Variants in WDR27 observed in about 807,000 individuals in gnomAD.
WDR27 encodes the protein WD repeat domain 27.
A neutral mutation model predicts 114.4 loss-of-function variants in WDR27; 100 were observed. That is an observed-to-expected ratio of 0.87 (90% CI 0.74 to 1.03). The LOEUF (loss-of-function observed/expected upper bound fraction) is 1.03, where lower values mean the gene tolerates loss of function less well. Among genes scored for constraint, WDR27 ranks in the 50% least tolerant of loss-of-function variants. WDR27 has a pLI of 0.00. For missense variants in WDR27, 1,129 were observed against 1,092.9 expected (o/e 1.03, Z -0.47); for synonymous variants, 449 against 423.1 (o/e 1.06, Z -0.75).
chr6:169,495,760 A>G (rs1790321445), intron 25 of WDR27, among the ~76,000 whole-genome samples: 1 of 152,046 alleles, frequency 6.6e-6, no homozygotes, highest in Non-Finnish European at 1.5e-5. Context: ...ATCAGTAGTA[A>G]GAATAATGAA....
downstream of WDR27, among the ~76,000 whole-genome samples, chr6:169,453,780 G>A (rs1210280115): frequency 6.6e-6 from 1 of 152,180 alleles, no homozygotes; most frequent in Non-Finnish European, 1.5e-5. Context: ...ATACAGATTA[G>A]TAAGAATTTG....
Position 169,586,260 on chromosome 6 carries a change from T to C in WDR27, c.2425-3326A>G, listed in dbSNP as rs181794391. On this transcript the variant is annotated intron_variant, in intron 23 of 25. Coordinates refer to ENST00000448612, the MANE Select transcript of WDR27 (RefSeq NM_182552.5). ...CCCTGTCATAAATCCCGTGAGGTCATGCACAACTCTGGACAGTTCTCTCCA... is the reference window on the plus strand; with the variant it reads ...CCCTGTCATAAATCCCGTGAGGTCACGCACAACTCTGGACAGTTCTCTCCA... Among the ~76,000 whole-genome samples the C allele has an allele frequency of 6.6e-5, 10 of 152,328 alleles. No homozygotes were observed. In the East Asian group the frequency reaches 1.9e-3, roughly 29 times the overall value.
chr6:169,441,835 T>C, the WDR27 span, among the ~76,000 whole-genome samples: 1 of 152,258 alleles, frequency 6.6e-6, no homozygotes, highest in African/African-American at 2.4e-5. Flanking sequence ...CTGAAGTCTG[T>C]TCTCTAAAAT....
intron 25 of WDR27, among the ~76,000 whole-genome samples, chr6:169,507,989 C>G (rs905067842): frequency 6.6e-6 from 1 of 152,180 alleles, no homozygotes; most frequent in African/African-American, 2.4e-5. Context: ...TCATAGTATA[C>G]CCATCATGTC....
At chr6:169,649,318 G>T in intron 14 of WDR27, 43 bp from the exon 15 acceptor site, 1 of 1,467,762 alleles carries the variant, frequency 6.8e-7, no homozygotes, top group Non-Finnish European at 9.3e-7. Flanking sequence ...ATATTAAGAG[G>T]TCTAAGTTTC....
At chr6:169,619,250 C>T (rs1452798619) in intron 21 of WDR27, among the ~76,000 whole-genome samples, 1 of 152,192 alleles carries the variant, frequency 6.6e-6, no homozygotes, top group African/African-American at 2.4e-5. Context: ...GGAAATTAGA[C>T]GGTCACCATG....
At chr6:169,431,927 G>T in the WDR27 span, among the ~76,000 whole-genome samples, 1 of 152,152 alleles carries the variant, frequency 6.6e-6, no homozygotes, top group Non-Finnish European at 1.5e-5. Context: ...CCCAAAGATT[G>T]CCTCACTGCA....
At chr6:169,700,861 G>A (rs1392350485) in intron 1 of WDR27, among the ~76,000 whole-genome samples, 3 of 152,122 alleles carry the variant, frequency 2.0e-5, no homozygotes, top group African/African-American at 7.2e-5. Flanking sequence ...CAACCCTAGG[G>A]GATAATCAAT....
chr6:169,525,236 C>T (rs185060912), intron 25 of WDR27, among the ~76,000 whole-genome samples: 4 of 152,154 alleles, frequency 2.6e-5, no homozygotes, highest in East Asian at 1.9e-4. Flanking sequence ...CATTTCACCC[C>T]GGTTAAAATG....
At chr6:169,672,073 T>C (rs1029142807) in intron 3 of WDR27, 182 bp downstream of exon 3, 2 of 540,916 alleles carry the variant, frequency 3.7e-6, no homozygotes, top group Non-Finnish European at 6.3e-6. Flanking sequence ...CTGGGGCCCT[T>C]CCCATATAAA....
intron 21 of WDR27, among the ~76,000 whole-genome samples, chr6:169,618,227 T>C (rs1051707464): frequency 7.9e-5 from 12 of 152,318 alleles, no homozygotes; most frequent in African/African-American, 2.6e-4. Context: ...AATTATTTCA[T>C]TAAAAAAGCT....
intron 13 of WDR27, among the ~76,000 whole-genome samples, chr6:169,654,710 G>A (rs564974888): frequency 6.7e-5 from 10 of 150,308 alleles, no homozygotes; most frequent in African/African-American, 2.5e-4. Flanking sequence ...GAGGAGGCGC[G>A]CACAGGAGAA....
At chr6:169,695,105 T>C (rs186717889) in intron 1 of WDR27, among the ~76,000 whole-genome samples, 2 of 152,262 alleles carry the variant, frequency 1.3e-5, no homozygotes, top group Admixed American at 1.3e-4. Context: ...AGTATAAAAA[T>C]ATCAAGAAGG....
chr6:169,464,181 C>T (rs938114600), intron 25 of WDR27, among the ~76,000 whole-genome samples: 9 of 152,122 alleles, frequency 5.9e-5, no homozygotes, highest in African/African-American at 2.2e-4. Flanking sequence ...GCATAAAGAT[C>T]GACCTATAGA....
rs563769365 is a variant in WDR27 at position 169,523,546 on chromosome 6, C to T, written c.2645+48873G>A. 6.6e-5 allele frequency among the ~76,000 whole-genome samples: 10 copies of T among 152,172 alleles called. No homozygotes were observed. In the East Asian group the frequency reaches 1.9e-3, roughly 29 times the overall value. ...ATAGATGTGAAAATCCTCAGCAACACACTAGCAAACCAAATTCAACAACCC... is the reference window on the plus strand; with the variant it reads ...ATAGATGTGAAAATCCTCAGCAACATACTAGCAAACCAAATTCAACAACCC... On this transcript the variant is annotated intron_variant, in intron 25 of 25. Coordinates refer to ENST00000448612, the MANE Select transcript of WDR27 (RefSeq NM_182552.5).
At position 169,638,649 on chromosome 6, in the gene WDR27, C is replaced by T. The variant is rs983245347; in HGVS notation, c.1759G>A (p.Ala587Thr). The change falls in exon 18 of 26, where the codon GCA becomes ACA. Residue 587 changes from alanine (A) to threonine (T), a missense_variant. Transcript: ENST00000448612. ...TGGCTCCAGCACACGGCATTCACTG[C>T]CCCGTCGTGACCTAACAGGAATGAC... ...TPAVFSGHDG[A>T]VNAVCWSQDR... 14 of 1,603,520 alleles carry T rather than the reference C, an allele frequency of 8.7e-6. No homozygotes were observed. In the South Asian group the frequency reaches 1.3e-4, roughly 15 times the overall value.
In WDR27 at chr6:169,596,028, T is replaced by C. The variant is rs573965971; in HGVS notation, c.2424+6191A>G. Among the ~76,000 whole-genome samples the C allele has an allele frequency of 1.5e-3, 223 of 152,250 alleles. 1 individual carries two copies. Among genetic ancestry groups the C allele is most frequent in the African/African-American group, 5.1e-3 (211 of 41,584 alleles). ...CTTATAAGCATTTGAACATTTTACA[T>C]GGATCCACAAAGGTGTTTTTTTGTT... On this transcript the variant is annotated intron_variant, in intron 23 of 25. Coordinates refer to ENST00000448612, the MANE Select transcript of WDR27 (RefSeq NM_182552.5).
intron 3 of WDR27, chr6:169,671,185 A>G (rs1778648971): frequency 6.4e-6 from 1 of 155,588 alleles, no homozygotes. Flanking sequence ...CCTGATGCAG[A>G]GCCCGTCATG....
Position 169,535,191 on chromosome 6 carries a change from T to C in WDR27, c.2645+37228A>G, listed in dbSNP as rs578145503. On this transcript the variant is annotated intron_variant, in intron 25 of 25. Transcript: ENST00000448612. Reference sequence around the variant, plus strand: ...AATCAGGTGGTCTTTAGGGCCCATCTGGTATGAAGATCCTTTCATTGTTTG... The same window carrying C: ...AATCAGGTGGTCTTTAGGGCCCATCCGGTATGAAGATCCTTTCATTGTTTG... Among the ~76,000 whole-genome samples the C allele has an allele frequency of 7.2e-5, 11 of 152,342 alleles. No individual in the cohort carries two copies. In the South Asian group the frequency reaches 2.1e-3, roughly 29 times the overall value.
Sources: gnomAD v4.1 joint callset for allele counts (sites outside exome capture counted in the v4.1 genomes callset) on GRCh38, gnomAD v4.1.1 for gene constraint, MANE v1.5 for transcripts, NCBI Gene and HGNC (gene_info 2026-07-23, HGNC 2026-07-21) for gene names.